Variants in CRYBG3 observed in about 807,000 individuals in gnomAD.
The protein encoded by CRYBG3 is very large A-kinase anchor protein.
In CRYBG3, 127 loss-of-function variants were observed where a neutral mutation model predicts 244.2. The ratio of observed to expected loss-of-function variants is 0.52; its 90% CI spans 0.45 to 0.60. The LOEUF (loss-of-function observed/expected upper bound fraction) is 0.60, where lower values mean the gene tolerates loss of function less well. CRYBG3 is among the 20% of genes least tolerant of loss of function. The pLI is 0.00. For synonymous variants in CRYBG3, 1,132 were observed against 1,195.8 expected, an observed-to-expected ratio of 0.95 and a Z score of 1.10; for missense variants, 3,325 against 3,442.5, an observed-to-expected ratio of 0.97 and a Z score of 0.85.
intron 1 of CRYBG3, among the ~76,000 whole-genome samples, chr3:97,833,590 G>C (rs1380906905): frequency 6.6e-6 from 1 of 152,008 alleles, no homozygotes; most frequent in African/African-American, 2.4e-5. Flanking sequence ...TCTAGGGGAG[G>C]GATAGCATTA....
chr3:97,914,803 T>C (rs527371315), intron 16 of CRYBG3, among the ~76,000 whole-genome samples: 13 of 152,210 alleles, frequency 8.5e-5, no homozygotes, highest in African/African-American at 2.9e-4. Flanking sequence ...ATTTCTACGG[T>C]TTTCCAAAGT....
chr3:97,873,541 G>T lies in CRYBG3; in HGVS notation c.2347G>T (p.Val783Leu), dbSNP rs1039390105. 9 of 1,535,358 alleles carry T rather than the reference G, an allele frequency of 5.9e-6. No individual in the cohort carries two copies. The African/African-American group carries it at 8.3e-5, about 14-fold the overall frequency. ...CATTTTATCTCAAGACCCTAATAGA[G>T]TAGAGTTAGTGTCTTCAAACACTAA... The part of the protein sequence containing the change: ...SSILSQDPNR[V>L]ELVSSNTKAN... Residue 783 changes from valine (V) to leucine (L), a missense_variant, in exon 4 of 22, where the codon GTA (valine) becomes TTA (leucine). Val to Leu is a conservative substitution (Grantham distance 32). Transcript: ENST00000389622.
intron 2 of CRYBG3, among the ~76,000 whole-genome samples, chr3:97,863,755 G>A (rs952209702): frequency 7.2e-5 from 11 of 151,944 alleles, no homozygotes; most frequent in African/African-American, 2.4e-4. Flanking sequence ...GTCTCTTTAC[G>A]TCTCTCTCCA....
intron 1 of CRYBG3, among the ~76,000 whole-genome samples, chr3:97,832,710 T>G (rs1277544737): frequency 2.0e-5 from 3 of 152,046 alleles, no homozygotes; most frequent in Non-Finnish European, 2.9e-5. Flanking sequence ...AAAGCCAAAA[T>G]TGACAAATGG....
At chr3:97,920,394 A>G (rs898635929) in intron 17 of CRYBG3, among the ~76,000 whole-genome samples, 1 of 152,142 alleles carries the variant, frequency 6.6e-6, no homozygotes, top group Non-Finnish European at 1.5e-5. Flanking sequence ...TAGAGTAAGC[A>G]GTACTCAGTT....
rs183664343 is a variant in CRYBG3, at chr3:97,826,793, C to T, written c.149+4438C>T. ...CAAATATGCCTTCATAGAATTCACA[C>T]ATTAATGGAGGAGATAAAAGTGTAC... is the stretch of plus-strand genomic sequence containing the variant. On this transcript the variant is annotated intron_variant, in intron 1 of 21. Transcript: ENST00000389622. 2.7e-3 allele frequency among the ~76,000 whole-genome samples: 405 copies of T among 152,322 alleles called. 1 individual carries two copies. The highest frequency in any genetic ancestry group is 8.7e-3 in the African/African-American group (361 of 41,564).
chr3:97,903,665 A>T (rs1238489762), intron 15 of CRYBG3, among the ~76,000 whole-genome samples: 2 of 152,158 alleles, frequency 1.3e-5, no homozygotes, highest in Non-Finnish European at 2.9e-5. Context: ...AGAATAAGTG[A>T]GCACAGCTGT....
chr3:97,900,643 A>G (rs2039696544), intron 15 of CRYBG3, among the ~76,000 whole-genome samples, 158 bp downstream of exon 15: 1 of 152,178 alleles, frequency 6.6e-6, no homozygotes, highest in Admixed American at 6.5e-5. Context: ...AAGAATTCAC[A>G]TCTTTGTCAG....
chr3:97,883,818 C>G (rs1392907393), intron 7 of CRYBG3, among the ~76,000 whole-genome samples: 1 of 152,190 alleles, frequency 6.6e-6, no homozygotes, highest in Admixed American at 6.5e-5. Context: ...TGTCAGAATT[C>G]TTCCTATCGT....
At chr3:97,825,809 T>C (rs1188932401) in intron 1 of CRYBG3, among the ~76,000 whole-genome samples, 1 of 152,192 alleles carries the variant, frequency 6.6e-6, no homozygotes, top group Non-Finnish European at 1.5e-5. Context: ...TAGGAGGTAC[T>C]CTGTACTGTC....
At position 97,899,154 on chromosome 3, in the gene CRYBG3, A is replaced by G; in HGVS notation, c.7862A>G (p.Gln2621Arg). The G allele has an allele frequency of 6.2e-7, 1 of 1,611,244 alleles. No individual in the cohort carries two copies. Among genetic ancestry groups the G allele is most frequent in the South Asian group, 1.1e-5 (1 of 89,930 alleles). Residue 2621 changes from glutamine (Q) to arginine (R), a missense_variant, in exon 14 of 22, where the codon CAA becomes CGA. By Grantham distance (43) the Gln-to-Arg change is conservative. This residue lies in a region of CRYBG3 where 714 missense variants were observed against 803.6 expected (regional missense o/e 0.89). Transcript: ENST00000389622. Reference protein sequence around the residue: ...VKSGVWVAYQQKFFCGEQYIL... With the variant: ...VKSGVWVAYQRKFFCGEQYIL... ...CCTACTAGATGGGTTGCCTACCAGC[A>G]AAAGTTCTTCTGTGGAGAACAATAC...
Position 97,874,241 on chromosome 3 carries a change from T to C in CRYBG3, c.3047T>C (p.Leu1016Ser), listed in dbSNP as rs1042392650. 1 of 1,534,660 alleles carries C rather than the reference T, an allele frequency of 6.5e-7. No individual in the cohort carries two copies. The highest frequency in any genetic ancestry group is 8.7e-7 in the Non-Finnish European group (1 of 1,146,510). ...CCTTTTCTGGATTCTGATTCCAGTT[T>C]GGAAAAAAATTCTTCTGCATCTGAG... ...NSPFLDSDSS[L>S]EKNSSASEDS... The change falls in exon 4 of 22, where the codon TTG becomes TCG. Residue 1016 changes from leucine (L) to serine (S), a missense_variant. Transcript: ENST00000389622.
chr3:97,843,072 A>C (rs1235565129), intron 1 of CRYBG3, 123 bp from the exon 2 acceptor site: 1 of 596,252 alleles, frequency 1.7e-6, no homozygotes, highest in Non-Finnish European at 2.9e-6. Flanking sequence ...TTGGTATAAC[A>C]TGGTGTATCA....
intron 15 of CRYBG3, among the ~76,000 whole-genome samples, chr3:97,910,639 C>G (rs1043284854): frequency 6.6e-6 from 1 of 152,176 alleles, no homozygotes; most frequent in African/African-American, 2.4e-5. Flanking sequence ...TGACCTGGGC[C>G]CACTGTCTGG....
intron 1 of CRYBG3, among the ~76,000 whole-genome samples, chr3:97,837,424 G>A (rs1185212027): frequency 6.6e-6 from 1 of 152,002 alleles, no homozygotes. Context: ...ACAGTAGTTG[G>A]GGAAGATAAA....
At chr3:97,854,100 T>G (rs1312306115) in intron 2 of CRYBG3, among the ~76,000 whole-genome samples, 1 of 152,118 alleles carries the variant, frequency 6.6e-6, no homozygotes, top group Non-Finnish European at 1.5e-5. Flanking sequence ...CCCCACTTTA[T>G]TTTTGTATGC....
chr3:97,877,840 A>G lies in CRYBG3; in HGVS notation c.6646A>G (p.Lys2216Glu), dbSNP rs2039399624. 3 of 1,613,982 alleles carry G rather than the reference A, an allele frequency of 1.9e-6. No homozygotes were observed. Among genetic ancestry groups the G allele is most frequent in the Non-Finnish European group, 2.5e-6 (3 of 1,180,004 alleles). ...SNLQVGLWPE[K>E]TSFLQKSDLT... ...TCTGCAAGTTGGTCTGTGGCCAGAA[A>G]AGACCTCGTTTCTCCAGAAATCTGA... The change falls in exon 4 of 22, where the codon AAG becomes GAG. Residue 2216 changes from lysine (K) to glutamate (E), a missense_variant. Lys to Glu is a moderately conservative substitution (Grantham distance 56). Around this residue, in one of 4 missense-constraint regions of CRYBG3, gnomAD observed 450 missense variants for 424.1 expected, o/e 1.06. Coordinates refer to ENST00000389622, the MANE Select transcript of CRYBG3 (RefSeq NM_153605.4).
chr3:97,837,027 C>T (rs1665082199), intron 1 of CRYBG3: 1 of 152,096 alleles, frequency 6.6e-6, no homozygotes, highest in African/African-American at 2.4e-5. Flanking sequence ...GTTGTAAAAT[C>T]AGATCCAAAA....
In CRYBG3 at chr3:97,874,744, A is replaced by G. The variant is rs950235099; in HGVS notation, c.3550A>G (p.Arg1184Gly). The change falls in exon 4 of 22, where the codon AGA (arginine) becomes GGA (glycine). Residue 1184 changes from arginine to glycine, a missense_variant. By Grantham distance (125) the Arg-to-Gly change is moderately radical. Around this residue, in one of 4 missense-constraint regions of CRYBG3, gnomAD observed 1,526 missense variants for 1,443.2 expected, o/e 1.06. Transcript: ENST00000389622. ...ASAEHIEARR[R>G]AHDQLLDLKS... ...TGCTGAGCACATAGAAGCCAGGAGA[A>G]GAGCACATGACCAACTTTTGGACCT... The G allele has an allele frequency of 8.5e-6, 13 of 1,535,964 alleles. No individual in the cohort carries two copies. The highest frequency in any genetic ancestry group is 1.2e-5 in the South Asian group (1 of 84,024).
Sources: allele counts gnomAD v4.1 joint callset (sites outside exome capture counted in the v4.1 genomes callset), GRCh38; gene constraint gnomAD v4.1.1; regional missense constraint gnomAD v4.1.1; transcripts MANE v1.5; gene names NCBI Gene and HGNC (gene_info 2026-07-23, HGNC 2026-07-21).